The following PCDHA1 variants were observed in gnomAD, a reference collection of about 807,000 sequenced individuals.
PCDHA1 encodes the protein protocadherin alpha 1.
PCDHA1 carries 42 observed loss-of-function variants against 61.3 expected under a neutral mutation model. That is an observed-to-expected ratio of 0.69 (90% CI 0.54 to 0.89). PCDHA1 has a LOEUF of 0.89. Ranked by LOEUF, PCDHA1 falls within the 40% of genes least tolerant of loss-of-function variation. PCDHA1 has a pLI of 0.00. For missense variants in PCDHA1, 1,256 were observed against 1,235.3 expected (o/e 1.02, Z -0.25); for synonymous variants, 610 against 553.8 (o/e 1.10, Z -1.43).
At chr5:140,978,615 T>C in intron 1 of PCDHA1, among the ~76,000 whole-genome samples, 1 of 152,238 alleles carries the variant, frequency 6.6e-6, no homozygotes, top group East Asian at 1.9e-4. Context: ...GCAAAAGCAG[T>C]GAAAGCTTTT....
rs190430267 is a variant in PCDHA1 at position 140,870,766 on chromosome 5, C to A, written c.2394+82082C>A. The A allele has an allele frequency of 3.4e-4, 554 of 1,613,562 alleles. 3 individuals are homozygous for A. The African/African-American group carries it at 6.6e-3, about 19-fold the overall frequency. On this transcript the variant is annotated intron_variant, in intron 1 of 3. Coordinates refer to ENST00000504120, the MANE Select transcript of PCDHA1 (RefSeq NM_018900.4). ...CAACGTGACGCTGCAGGTGTTCGTG[C>A]TGGACGAGAACGACAACGCGCCGGC...
intron 1 of PCDHA1, chr5:140,807,781 A>G: frequency 3.7e-6 from 6 of 1,614,152 alleles, no homozygotes; most frequent in Non-Finnish European, 5.1e-6. Flanking sequence ...TATTACGGAA[A>G]TCTTTAGACA....
intron 1 of PCDHA1, chr5:140,862,381 C>G (rs191367875): frequency 4.0e-5 from 14 of 346,954 alleles, no homozygotes; most frequent in Non-Finnish European, 7.4e-5. Flanking sequence ...TGACTCCTCA[C>G]GTCTCTTCAA....
intron 1 of PCDHA1, among the ~76,000 whole-genome samples, chr5:140,917,059 G>A (rs1174473146): frequency 6.6e-6 from 1 of 152,044 alleles, no homozygotes; most frequent in Non-Finnish European, 1.5e-5. Context: ...TCCCTGCTAC[G>A]ACAGCACCGA....
chr5:140,823,950 G>A, intron 1 of PCDHA1: 1 of 1,614,000 alleles, frequency 6.2e-7, no homozygotes, highest in South Asian at 1.1e-5. Flanking sequence ...GCTCGGCGCA[G>A]CCCACCGAGG....
chr5:140,837,902 C>T (rs1358227516), intron 1 of PCDHA1, among the ~76,000 whole-genome samples: 2 of 151,630 alleles, frequency 1.3e-5, no homozygotes, highest in Non-Finnish European at 2.9e-5. Context: ...TGGTCTTGAA[C>T]TCCTGGCTTC....
chr5:140,852,464 G>A (rs2042343085), intron 1 of PCDHA1: 1 of 189,256 alleles, frequency 5.3e-6, no homozygotes, highest in Non-Finnish European at 1.1e-5. Context: ...TTTTAGTAGA[G>A]ATGGGGTTTC....
chr5:140,941,942 T>C (rs2093203170), intron 1 of PCDHA1, among the ~76,000 whole-genome samples: 1 of 152,234 alleles, frequency 6.6e-6, no homozygotes, highest in African/African-American at 2.4e-5. Flanking sequence ...GAATTACTTT[T>C]GTTTTGAAAA....
chr5:140,875,160 C>A, intron 1 of PCDHA1: 1 of 339,568 alleles, frequency 2.9e-6, no homozygotes, highest in Non-Finnish European at 5.1e-6. Flanking sequence ...GAAAAATAAC[C>A]CAAAGTCGAA....
In PCDHA1 at chr5:141,010,017, T is replaced by C; in HGVS notation, c.*80T>C. 1.3e-6 allele frequency: 2 copies of C among 1,571,154 alleles called. No individual in the cohort carries two copies. Among genetic ancestry groups the C allele is most frequent in the Non-Finnish European group, 1.7e-6 (2 of 1,162,678 alleles). On this transcript the variant is annotated 3_prime_UTR_variant, in exon 4 of 4. Transcript: ENST00000504120. ...CTCCCATGTAGCAATTCCCTGCTCC[T>C]TTTTCCTATCTACATGAGCCCTCTT...
intron 1 of PCDHA1, among the ~76,000 whole-genome samples, chr5:140,977,308 A>G (rs2096754925): frequency 6.6e-6 from 1 of 152,230 alleles, no homozygotes; most frequent in South Asian, 2.1e-4. Context: ...CAAGCTAACG[A>G]TAGTGCTCCT....
chr5:141,003,540 T>A (rs2098129225), intron 3 of PCDHA1, among the ~76,000 whole-genome samples: 1 of 152,188 alleles, frequency 6.6e-6, no homozygotes, highest in Non-Finnish European at 1.5e-5. Flanking sequence ...CTTGAACTCC[T>A]GGCTTCAAGT....
chr5:140,865,598 C>A (rs542387225), intron 1 of PCDHA1: 1 of 152,240 alleles, frequency 6.6e-6, no homozygotes, highest in African/African-American at 2.4e-5. Flanking sequence ...ATTGTTTGAG[C>A]AGTTTATTAA....
chr5:140,864,321 C>T (rs1040853151), intron 1 of PCDHA1: 1 of 152,126 alleles, frequency 6.6e-6, no homozygotes, highest in African/African-American at 2.4e-5. Flanking sequence ...TATTTAATAT[C>T]ATAATTATTT....
rs1305234114 is a variant in PCDHA1 at position 140,786,570 on chromosome 5, G to A, written c.280G>A (p.Glu94Lys). 1 of 1,614,148 alleles carries A rather than the reference G, an allele frequency of 6.2e-7. No homozygotes were observed. The highest frequency in any genetic ancestry group is 1.3e-5 in the African/African-American group (1 of 74,954). Reference protein sequence around the residue: ...LFVNSRIDREELCQWSAECSI... With the variant: ...LFVNSRIDREKLCQWSAECSI... ...TGTGAATTCTCGGATCGATCGCGAGGAGCTGTGCCAGTGGAGCGCGGAGTG... is the reference window on the plus strand; with the variant it reads ...TGTGAATTCTCGGATCGATCGCGAGAAGCTGTGCCAGTGGAGCGCGGAGTG... Residue 94 changes from glutamate (E) to lysine (K), a missense_variant, in exon 1 of 4, where the codon GAG (glutamate) becomes AAG (lysine). Coordinates refer to ENST00000504120, the MANE Select transcript of PCDHA1 (RefSeq NM_018900.4).
chr5:140,863,769 C>T (rs1032568276), intron 1 of PCDHA1: 6 of 236,858 alleles, frequency 2.5e-5, no homozygotes, highest in African/African-American at 1.1e-4. Context: ...GAAGCCGAGG[C>T]GGGCGGATCA....
chr5:140,837,977 C>A (rs1377931639), intron 1 of PCDHA1, among the ~76,000 whole-genome samples: 4 of 151,682 alleles, frequency 2.6e-5, no homozygotes, highest in African/African-American at 4.9e-5. Flanking sequence ...CCACACCCAG[C>A]CTGCCTTTCA....
intron 1 of PCDHA1, chr5:140,869,696 A>T: frequency 6.2e-7 from 1 of 1,613,472 alleles, no homozygotes; most frequent in Non-Finnish European, 8.5e-7. Context: ...ATTTTAAAGA[A>T]GTCTCTGGAT....
At chr5:140,958,400 A>G (rs1236102640) in intron 1 of PCDHA1, among the ~76,000 whole-genome samples, 1 of 152,196 alleles carries the variant, frequency 6.6e-6, no homozygotes, top group African/African-American at 2.4e-5. Context: ...ATCAAACATT[A>G]TCACTGATGC....
Sources: allele counts gnomAD v4.1 joint callset (sites outside exome capture counted in the v4.1 genomes callset), GRCh38; gene constraint gnomAD v4.1.1; transcripts MANE v1.5; gene names NCBI Gene and HGNC (gene_info 2026-07-23, HGNC 2026-07-21).